The following GPR55 variants were observed in gnomAD, a reference collection of about 807,000 sequenced individuals.
The protein encoded by GPR55 is G protein-coupled receptor 55.
Under a neutral mutation model 7.9 loss-of-function variants are expected in GPR55, and 6 were observed. The ratio of observed to expected loss-of-function variants is 0.76; its 90% CI spans 0.41 to 1.49. GPR55 has a LOEUF of 1.49. Among genes scored for constraint, GPR55 ranks in the 40% most tolerant of loss-of-function variants. The probability of loss-of-function intolerance (pLI) is 0.01; values close to 1 mark genes in which losing one functional copy is unlikely to be tolerated. For missense variants in GPR55, 376 were observed against 406.0 expected (o/e 0.93, Z 0.63); for synonymous variants, 183 against 166.8 (o/e 1.10, Z -0.75).
chr2:230,943,761 G>A, intron 1 of GPR55, among the ~76,000 whole-genome samples: 1 of 152,120 alleles, frequency 6.6e-6, no homozygotes, highest in Non-Finnish European at 1.5e-5. Context: ...AGATCTGGCT[G>A]TTTGAAAGTG....
upstream of GPR55, among the ~76,000 whole-genome samples, chr2:230,926,682 C>CTTTTTTT (rs56318183): frequency 5.9e-5 from 6 of 100,966 alleles, no homozygotes; most frequent in Admixed American, 1.0e-4. Flanking sequence ...TGGCTACCTT[C>CTTTTTTT]TTTTTTTTTT....
intron 1 of GPR55, among the ~76,000 whole-genome samples, chr2:230,950,311 C>T (rs1228985965): frequency 1.3e-5 from 2 of 152,224 alleles, no homozygotes; most frequent in Admixed American, 6.5e-5. Context: ...TTGTTCAGCC[C>T]ATCGCCTACC....
Position 230,924,472 on chromosome 2 carries a change from C to T in GPR55, c.-135+696G>A, listed in dbSNP as rs1690904566. ...AGGGTTCTAAGTGCTGCTGTGTCTT[C>T]CCGCCCAGCCTCTCCAAGAGACACT... On this transcript the variant is annotated intron_variant, in intron 1 of 1. Coordinates refer to ENST00000650999, the MANE Select transcript of GPR55 (RefSeq NM_005683.4). The surrounding 1 kb of genome is among the most constrained non-coding windows in gnomAD (Gnocchi z 4.5). 6.6e-6 allele frequency: 1 copy of T among 152,244 alleles called. No individual in the cohort carries two copies. The highest frequency in any genetic ancestry group is 6.5e-5 in the Admixed American group (1 of 15,284). 9.4% of individuals were successfully genotyped at this position (152,244 alleles called of 1,614,324 possible). A position where few individuals can be genotyped will look rare whatever the true frequency, so the allele number is the denominator to read the frequency against.
intron 1 of GPR55, among the ~76,000 whole-genome samples, chr2:230,949,296 T>C (rs1691364341): frequency 6.6e-6 from 1 of 152,162 alleles, no homozygotes; most frequent in African/African-American, 2.4e-5. Flanking sequence ...CTCGAGTAGC[T>C]GGGATTACAG....
In GPR55 at chr2:230,923,514, C is replaced by T. The variant is rs1690883561; in HGVS notation, c.-135+1654G>A. Among the ~76,000 whole-genome samples, 1 of 152,142 alleles carries T rather than the reference C, an allele frequency of 6.6e-6. No homozygotes were observed. Among genetic ancestry groups the T allele is most frequent in the South Asian group, 2.1e-4 (1 of 4,826 alleles). ...GTGCCTGAGCTGGGCTTCTGGGGGC[C>T]ACGATAGAAGAAGGAACAGGACACA... On this transcript the variant is annotated intron_variant, in intron 1 of 1. Transcript: ENST00000650999. This position sits in a 1 kb window ranked among gnomAD's most constrained non-coding sequence, Gnocchi z 4.1.
At chr2:230,956,731 T>TA (rs1691488135) in intron 1 of GPR55, among the ~76,000 whole-genome samples, 1 of 152,182 alleles carries the variant, frequency 6.6e-6, no homozygotes, top group African/African-American at 2.4e-5. Context: ...ATCTGTATTT[T>TA]AAAAAAATCT....
intron 1 of GPR55, among the ~76,000 whole-genome samples, chr2:230,932,436 T>C (rs1185169231): frequency 6.6e-6 from 1 of 152,176 alleles, no homozygotes; most frequent in African/African-American, 2.4e-5. Context: ...GTACATTGCA[T>C]TCTGTTACAT....
intron 1 of GPR55, among the ~76,000 whole-genome samples, chr2:230,931,655 G>C (rs866689063): frequency 6.6e-6 from 1 of 152,068 alleles, no homozygotes; most frequent in African/African-American, 2.4e-5. Flanking sequence ...CACAGGCCCC[G>C]ACCGCTGCAC....
At chr2:230,951,451 A>C (rs1031946420) in intron 1 of GPR55, among the ~76,000 whole-genome samples, 4 of 152,260 alleles carry the variant, frequency 2.6e-5, no homozygotes, top group African/African-American at 9.6e-5. Context: ...ACTAAAAATG[A>C]AAATGAGATT....
intron 1 of GPR55, among the ~76,000 whole-genome samples, chr2:230,916,538 A>G (rs1690721613): frequency 6.6e-6 from 1 of 152,246 alleles, no homozygotes; most frequent in Non-Finnish European, 1.5e-5. Context: ...AAAAAAAAAA[A>G]AGAGATAATC....
chr2:230,955,024 C>A (rs13415867), intron 1 of GPR55, among the ~76,000 whole-genome samples: 10,273 of 152,222 alleles, frequency 0.067, 778 homozygotes, highest in East Asian at 0.4. Context: ...TCCCTTGATG[C>A]AATTACAGTT....
upstream of GPR55, among the ~76,000 whole-genome samples, chr2:230,929,097 C>T (rs1474057568): frequency 1.3e-5 from 2 of 152,114 alleles, no homozygotes; most frequent in Non-Finnish European, 2.9e-5. Context: ...CAAGCGATCC[C>T]CCACCTCGGC....
rs146790193 is a variant in GPR55, at chr2:230,950,628, CAT to C, written c.-135+10145_-135+10146del. 3.2e-3 allele frequency among the ~76,000 whole-genome samples: 492 copies of C among 152,294 alleles called. 4 individuals carry two copies. Among genetic ancestry groups the C allele is most frequent in the African/African-American group, 0.011 (462 of 41,550 alleles). On this transcript the variant is annotated intron_variant, in intron 1 of 1. Coordinates refer to the GPR55 transcript ENST00000392039. ...TACTAATATCATTCACAAGAAGTGA[CAT>C]GTGTGGTGTTATGATAAGTACACAC...
intron 1 of GPR55, among the ~76,000 whole-genome samples, chr2:230,941,251 C>T (rs58841249): frequency 0.1 from 15,904 of 152,228 alleles, 2,228 homozygotes; most frequent in African/African-American, 0.32. Flanking sequence ...TGCAGGAGTG[C>T]GGTCCTGACC....
At chr2:230,960,634 T>C (rs1188701511) in intron 1 of GPR55, 1 of 152,206 alleles carries the variant, frequency 6.6e-6, no homozygotes, top group Non-Finnish European at 1.5e-5. Flanking sequence ...TGGACGTCAT[T>C]ACTTCCATTT....
intron 1 of GPR55, among the ~76,000 whole-genome samples, chr2:230,932,985 A>G (rs945294163): frequency 1.3e-5 from 2 of 152,304 alleles, no homozygotes; most frequent in East Asian, 3.9e-4. Flanking sequence ...GAGCCCCAGG[A>G]TCGTGCTCTC....
intron 1 of GPR55, among the ~76,000 whole-genome samples, chr2:230,949,281 A>T (rs1374800848): frequency 6.6e-6 from 1 of 152,120 alleles, no homozygotes; most frequent in African/African-American, 2.4e-5. Flanking sequence ...CTCCTGCCTC[A>T]GCCTCTCGAG....
intron 1 of GPR55, among the ~76,000 whole-genome samples, chr2:230,958,154 C>T (rs1460917639): frequency 2.0e-5 from 3 of 152,308 alleles, no homozygotes; most frequent in Non-Finnish European, 2.9e-5. Flanking sequence ...GTGGCTAAAA[C>T]TCAGGATAGT....
In GPR55 at chr2:230,923,085, C is replaced by T. The variant is rs1292053403; in HGVS notation, c.-135+2083G>A. ...GCCAGTGGTCCATGGTACCCTCATC[C>T]GCCCACACCCTCAAGGATCCAGTGT... is the stretch of plus-strand genomic sequence containing the variant. On this transcript the variant is annotated intron_variant, in intron 1 of 1. Coordinates refer to ENST00000650999, the MANE Select transcript of GPR55 (RefSeq NM_005683.4). This position sits in a 1 kb window ranked among gnomAD's most constrained non-coding sequence, Gnocchi z 4.1. 2.0e-5 allele frequency among the ~76,000 whole-genome samples: 3 copies of T among 152,220 alleles called. No individual in the cohort carries two copies. Among genetic ancestry groups the T allele is most frequent in the South Asian group, 2.1e-4 (1 of 4,828 alleles).
Sources: gnomAD v4.1 joint callset for allele counts (sites outside exome capture counted in the v4.1 genomes callset) on GRCh38, gnomAD v4.1.1 for gene constraint, Gnocchi (gnomAD v3.1) non-coding constraint, MANE v1.5 for transcripts, NCBI Gene and HGNC (gene_info 2026-07-23, HGNC 2026-07-21) for gene names.